The following WSB2 variants were observed in gnomAD, a reference collection of about 807,000 sequenced individuals.
WSB2 encodes WD repeat and SOCS box containing 2.
WSB2 carries 12 observed loss-of-function variants against 48.8 expected under a neutral mutation model. The ratio of observed to expected loss-of-function variants is 0.25; its 90% CI spans 0.16 to 0.40. WSB2 has a LOEUF of 0.40. WSB2 is among the 10% of genes least tolerant of loss of function. The pLI is 1.00. For missense variants in WSB2, 317 were observed against 506.2 expected (o/e 0.63, Z 3.59); for synonymous variants, 191 against 203.1 (o/e 0.94, Z 0.51).
In WSB2 at chr12:118,060,940, CCCCGCCCAG is replaced by C; in HGVS notation, c.13+87_13+95del. Reference sequence around the variant, plus strand: ...CCCGCCGCGTCCAGCCCCCGCCCCACCCCGCCCAGCCCGCCCCGGGGTCGCCTCCCCCCT... The same window carrying C: ...CCCGCCGCGTCCAGCCCCCGCCCCACCCCGCCCCGGGGTCGCCTCCCCCCT... On this transcript the variant is annotated intron_variant, in intron 1 of 8. Transcript: ENST00000315436. This position sits in a 1 kb window ranked among gnomAD's most constrained non-coding sequence, Gnocchi z 4.1. 2 of 510,504 alleles carry C rather than the reference CCCCGCCCAG, an allele frequency of 3.9e-6. No individual in the cohort carries two copies. Among genetic ancestry groups the C allele is most frequent in the Non-Finnish European group, 5.1e-6 (2 of 395,614 alleles). The allele number at this position is 510,504 out of a possible 1,614,324, so 31.6% of individuals were successfully genotyped here.
At chr12:118,059,356 G>C (rs77294308) in intron 1 of WSB2, among the ~76,000 whole-genome samples, 1 of 151,610 alleles carries the variant, frequency 6.6e-6, no homozygotes, top group Non-Finnish European at 1.5e-5. Context: ...AATTACATAC[G>C]TGGCTCACAT....
intron 1 of WSB2, among the ~76,000 whole-genome samples, chr12:118,054,824 T>C (rs1391680062): frequency 6.6e-6 from 1 of 151,290 alleles, no homozygotes; most frequent in Non-Finnish European, 1.5e-5. Flanking sequence ...ATAAATCATA[T>C]CAAGCCTTTG....
upstream of WSB2, chr12:118,062,112 C>G: frequency 6.5e-7 from 1 of 1,535,392 alleles, no homozygotes; most frequent in Non-Finnish European, 8.7e-7. Flanking sequence ...CGGCGACAGC[C>G]TCGCCTGTCC....
chr12:118,043,402 T>C (rs1338510209), intron 2 of WSB2, 25 bp from the exon 3 acceptor site: 1 of 1,523,930 alleles, frequency 6.6e-7, no homozygotes, highest in Non-Finnish European at 8.8e-7. Flanking sequence ...GATTTCTTAA[T>C]GAATCTGCAA....
rs778484500 is a variant in WSB2, at chr12:118,036,394, G to T, written c.777C>A (p.Tyr259Ter). 6.2e-7 allele frequency: 1 copy of T among 1,614,178 alleles called. No individual in the cohort carries two copies. The highest frequency in any genetic ancestry group is 1.1e-5 in the South Asian group (1 of 91,080). Residue 259 changes from tyrosine (Y) to a stop codon, truncating the protein, a stop_gained, in exon 6 of 9, where the codon TAC becomes TAA. Coordinates refer to ENST00000315436, the MANE Select transcript of WSB2 (RefSeq NM_018639.5). LOFTEE classifies it high-confidence loss of function. ...GGTCCCACATAATCACATTGGTATC[G>T]TAAGAAGCCGTGACAAGCAGGGCAG... The part of the protein sequence containing the change: ...PDSALLVTAS[Y>*]DTNVIMWDPY...
Position 118,034,574 on chromosome 12 carries a change from G to GCGCTCT in WSB2, c.1053-217_1053-216insAGAGCG, listed in dbSNP as rs1555267392. Reference sequence around the variant, plus strand: ...CTCAAGACACCTGTGATACCAAAGCGCTCTCTCTGTCTCTCTCTCGGCACA... The same window carrying GCGCTCT: ...CTCAAGACACCTGTGATACCAAAGCGCGCTCTCTCTCTCTGTCTCTCTCTCGGCACA... On this transcript the variant is annotated intron_variant, in intron 8 of 8. Transcript: ENST00000315436. 6 of 529,494 alleles carry GCGCTCT rather than the reference G, an allele frequency of 1.1e-5. No homozygotes were observed. In the African/African-American group the frequency reaches 1.2e-4, roughly 10 times the overall value. 32.8% of individuals were successfully genotyped at this position (529,494 alleles called of 1,614,324 possible). A position where few individuals can be genotyped will look rare whatever the true frequency, so the allele number is the denominator to read the frequency against.
chr12:118,044,392 T>G (rs2031704540), intron 2 of WSB2, among the ~76,000 whole-genome samples: 1 of 152,150 alleles, frequency 6.6e-6, no homozygotes, highest in Admixed American at 6.6e-5. Flanking sequence ...CCTGATGAGT[T>G]CCCTTATCAC....
At chr12:118,034,496 G>A in intron 8 of WSB2, 138 bp from the exon 9 acceptor site, 2 of 1,066,424 alleles carry the variant, frequency 1.9e-6, no homozygotes, top group South Asian at 1.7e-5. Context: ...CTGTGGAAAT[G>A]GATGTAAAAT....
Position 118,034,971 on chromosome 12 carries a change from C to A in WSB2, c.1052+15G>T. ...CAGAAAGCACCACCCATCTGTTCAG[C>A]TAACAAATACATACCCTGTGGCAAT... On this transcript the variant is annotated intron_variant, in intron 8 of 8. Transcript: ENST00000315436. The A allele has an allele frequency of 1.9e-6, 3 of 1,612,708 alleles. No homozygotes were observed. Among genetic ancestry groups the A allele is most frequent in the Non-Finnish European group, 2.5e-6 (3 of 1,178,740 alleles).
chr12:118,047,489 T>C (rs2031767481), intron 2 of WSB2, among the ~76,000 whole-genome samples: 1 of 152,266 alleles, frequency 6.6e-6, no homozygotes. Context: ...TCAAAAGCAC[T>C]ACATGATTTT....
intron 2 of WSB2, among the ~76,000 whole-genome samples, chr12:118,050,939 C>A (rs1462029445): frequency 1.3e-5 from 2 of 151,552 alleles, no homozygotes; most frequent in Admixed American, 6.6e-5. Flanking sequence ...GTAGTCCCAG[C>A]TACTTGGGAG....
intron 2 of WSB2, among the ~76,000 whole-genome samples, 161 bp from the exon 3 acceptor site, chr12:118,043,538 T>C (rs2031684994): frequency 1.3e-5 from 2 of 152,208 alleles, no homozygotes; most frequent in East Asian, 1.9e-4. Context: ...TCGACCTCCC[T>C]GTTCAACTGA....
At chr12:118,061,502 G>T (rs1258356178), upstream of WSB2, among the ~76,000 whole-genome samples, 1 of 151,228 alleles carries the variant, frequency 6.6e-6, no homozygotes, top group Non-Finnish European at 1.5e-5. Flanking sequence ...GGAAGGGAGG[G>T]AGGTGAACAG....
chr12:118,038,097 ATCCCTCCTGTCT>A, intron 5 of WSB2, 179 bp downstream of exon 5: 1 of 456,086 alleles, frequency 2.2e-6, no homozygotes, highest in South Asian at 5.2e-5. Context: ...CTGTTTCCAA[ATCCCTCCTGTCT>A]TTGGGTTCGT....
rs966760390 is a variant in WSB2 at position 118,036,514 on chromosome 12, T to C, written c.661-4A>G. 7.5e-6 allele frequency: 12 copies of C among 1,607,338 alleles called. No homozygotes were observed. The highest frequency in any genetic ancestry group is 1.0e-5 in the Non-Finnish European group (12 of 1,175,496). ...ACCTCATGCTCCATAGAAAGACCTG[T>C]GGAAAGTAAGAAGTGCCTGGTTAGG... On this transcript the variant is annotated splice_polypyrimidine_tract_variant and splice_region_variant and intron_variant, in intron 5 of 8. Transcript: ENST00000315436.
chr12:118,056,796 G>A (rs896717571), intron 1 of WSB2, among the ~76,000 whole-genome samples: 6 of 152,128 alleles, frequency 3.9e-5, no homozygotes, highest in Non-Finnish European at 7.4e-5. Flanking sequence ...AGCTACTCGG[G>A]AGGCTGAGGC....
chr12:118,061,155 C>G lies in WSB2; in HGVS notation c.-107G>C. 5 of 982,708 alleles carry G rather than the reference C, an allele frequency of 5.1e-6. No homozygotes were observed. The highest frequency in any genetic ancestry group is 6.0e-6 in the Non-Finnish European group (5 of 828,764). The allele number at this position is 982,708 out of a possible 1,614,324, so 60.9% of individuals were successfully genotyped here. ...CCCGCCCCGGCCAGGCCGCCGCCGCCGCCCGGAGAGGCCATCAGCTGCTTC... is the reference window on the plus strand; with the variant it reads ...CCCGCCCCGGCCAGGCCGCCGCCGCGGCCCGGAGAGGCCATCAGCTGCTTC... On this transcript the variant is annotated 5_prime_UTR_variant, in exon 1 of 9. Coordinates refer to ENST00000315436, the MANE Select transcript of WSB2 (RefSeq NM_018639.5).
At chr12:118,044,402 C>G (rs2031704786) in intron 2 of WSB2, among the ~76,000 whole-genome samples, 1 of 152,212 alleles carries the variant, frequency 6.6e-6, no homozygotes, top group African/African-American at 2.4e-5. Context: ...TCCCTTATCA[C>G]TAGCTTAGAA....
Position 118,032,967 on chromosome 12 carries a change from T to G in WSB2, c.*1229A>C, listed in dbSNP as rs1327896567. The G allele has an allele frequency of 6.6e-6, 1 of 152,202 alleles. No individual in the cohort carries two copies. Among genetic ancestry groups the G allele is most frequent in the Admixed American group, 6.5e-5 (1 of 15,286 alleles). 9.4% of individuals were successfully genotyped at this position (152,202 alleles called of 1,614,324 possible). On this transcript the variant is annotated 3_prime_UTR_variant, in exon 9 of 9. Coordinates refer to ENST00000315436, the MANE Select transcript of WSB2 (RefSeq NM_018639.5). Reference sequence around the variant, plus strand: ...AAGCCTCTCATTTTGAAAAGACATGTTTTTCTTCAAGCAACAAAGGTGGTA... The same window carrying G: ...AAGCCTCTCATTTTGAAAAGACATGGTTTTCTTCAAGCAACAAAGGTGGTA...
Sources: gnomAD v4.1 joint callset for allele counts (sites outside exome capture counted in the v4.1 genomes callset) on GRCh38, gnomAD v4.1.1 for gene constraint, Gnocchi (gnomAD v3.1) non-coding constraint, MANE v1.5 for transcripts, NCBI Gene and HGNC (gene_info 2026-07-23, HGNC 2026-07-21) for gene names.